Variants in FHOD3 observed in about 807,000 individuals in gnomAD.
FHOD3 encodes formin homology 2 domain containing 3, also known as FH1/FH2 domain-containing protein 3.
In FHOD3, 90 loss-of-function variants were observed where a neutral mutation model predicts 173.0. The ratio of observed to expected loss-of-function variants is 0.52; its 90% CI spans 0.44 to 0.62. The LOEUF (loss-of-function observed/expected upper bound fraction) is 0.62, where lower values mean the gene tolerates loss of function less well. Among genes scored for constraint, FHOD3 ranks in the 20% least tolerant of loss-of-function variants. FHOD3 has a pLI of 0.00. For synonymous variants in FHOD3, 828 were observed against 823.0 expected (o/e 1.01, Z -0.10); for missense variants, 1,945 against 2,034.7 (o/e 0.96, Z 0.85).
At chr18:36,747,873 G>A (rs1369980386) in intron 24 of FHOD3, among the ~76,000 whole-genome samples, 2 of 152,158 alleles carry the variant, frequency 1.3e-5, no homozygotes, top group African/African-American at 4.8e-5. Context: ...ACAGAACACG[G>A]TTGAGGGACC....
chr18:36,648,477 T>C (rs1191576546), intron 10 of FHOD3, among the ~76,000 whole-genome samples: 1 of 152,148 alleles, frequency 6.6e-6, no homozygotes, highest in Non-Finnish European at 1.5e-5. Context: ...AAAACCCAAT[T>C]GAAACCACCC....
At chr18:36,663,603 G>A (rs141249441) in intron 14 of FHOD3, among the ~76,000 whole-genome samples, 195 of 152,322 alleles carry the variant, frequency 1.3e-3, no homozygotes, top group African/African-American at 4.6e-3. Context: ...GAAGCCTTCT[G>A]TGCTTCTGTG....
intron 20 of FHOD3, among the ~76,000 whole-genome samples, chr18:36,736,889 C>A (rs578058037): frequency 1.2e-4 from 18 of 152,324 alleles, no homozygotes; most frequent in African/African-American, 4.3e-4. Flanking sequence ...TGCTTCCTAT[C>A]CCTATCAACA....
chr18:36,709,595 GC>G (rs2040061402), intron 18 of FHOD3: 3 of 583,166 alleles, frequency 5.1e-6, no homozygotes, highest in Non-Finnish European at 9.0e-6. Context: ...TAGAAAGACA[GC>G]CCCCAAACTG....
chr18:36,493,281 A>C (rs1445130404), intron 3 of FHOD3, among the ~76,000 whole-genome samples: 4 of 151,386 alleles, frequency 2.6e-5, no homozygotes, highest in African/African-American at 7.3e-5. Flanking sequence ...AAATCACAGG[A>C]AAATAAGATT....
chr18:36,608,657 C>T (rs1214505051), intron 8 of FHOD3, among the ~76,000 whole-genome samples: 1 of 152,166 alleles, frequency 6.6e-6, no homozygotes, highest in Non-Finnish European at 1.5e-5. Flanking sequence ...TACTGACACT[C>T]TGAGCTCCTA....
At chr18:36,491,881 A>G (rs374429361) in intron 3 of FHOD3, among the ~76,000 whole-genome samples, 29 of 152,210 alleles carry the variant, frequency 1.9e-4, no homozygotes, top group African/African-American at 6.7e-4. Context: ...CTTACCTTCT[A>G]TGGGTGGGGG....
intron 28 of FHOD3, among the ~76,000 whole-genome samples, chr18:36,771,648 A>G (rs985510602): frequency 6.6e-6 from 1 of 152,178 alleles, no homozygotes; most frequent in African/African-American, 2.4e-5. Flanking sequence ...GCCAATAGCT[A>G]CTTCAAGGTC....
intron 3 of FHOD3, among the ~76,000 whole-genome samples, chr18:36,373,088 C>A (rs902650679): frequency 6.6e-6 from 1 of 152,106 alleles, no homozygotes; most frequent in Non-Finnish European, 1.5e-5. Context: ...TGAGGCATGC[C>A]TGTGGGCAAG....
chr18:36,521,928 G>C (rs527824749), intron 5 of FHOD3, among the ~76,000 whole-genome samples: 17 of 152,224 alleles, frequency 1.1e-4, no homozygotes, highest in African/African-American at 3.9e-4. Flanking sequence ...ACAAGGCCTC[G>C]CTCACCCATC....
At chr18:36,594,925 A>G (rs377040903) in intron 7 of FHOD3, 27 bp downstream of exon 7, 2 of 1,477,304 alleles carry the variant, frequency 1.4e-6, no homozygotes, top group Non-Finnish European at 1.9e-6. Flanking sequence ...CCCTTATGTC[A>G]TGAAGGTGAA....
chr18:36,383,935 C>T (rs1016690128), intron 3 of FHOD3, among the ~76,000 whole-genome samples: 2 of 152,192 alleles, frequency 1.3e-5, no homozygotes, highest in African/African-American at 4.8e-5. Context: ...ACTTACTGTG[C>T]TCCAGGTATC....
intron 12 of FHOD3, among the ~76,000 whole-genome samples, 193 bp downstream of exon 12, chr18:36,653,122 G>T (rs1284603691): frequency 6.6e-6 from 1 of 152,230 alleles, no homozygotes; most frequent in African/African-American, 2.4e-5. Flanking sequence ...AAGATGCAGA[G>T]AAAATTGTCA....
At chr18:36,369,798 C>A (rs1326765681) in intron 2 of FHOD3, among the ~76,000 whole-genome samples, 2 of 152,044 alleles carry the variant, frequency 1.3e-5, no homozygotes, top group Non-Finnish European at 2.9e-5. Flanking sequence ...TGAGGTTACA[C>A]CAGTTCCCTA....
intron 1 of FHOD3, among the ~76,000 whole-genome samples, chr18:36,304,140 T>C (rs1028908593): frequency 5.3e-5 from 8 of 152,144 alleles, no homozygotes; most frequent in African/African-American, 1.9e-4. Flanking sequence ...AAATAAATAT[T>C]TGAGATCACT....
chr18:36,453,888 A>G (rs968190842), intron 3 of FHOD3, among the ~76,000 whole-genome samples: 34 of 152,206 alleles, frequency 2.2e-4, no homozygotes, highest in Non-Finnish European at 4.0e-4. Flanking sequence ...GTTTTGTGAC[A>G]TGACTCTGGA....
chr18:36,397,268 T>A (rs2048597600), intron 3 of FHOD3, among the ~76,000 whole-genome samples: 1 of 152,242 alleles, frequency 6.6e-6, no homozygotes, highest in African/African-American at 2.4e-5. Flanking sequence ...CTCAGGTCTG[T>A]CAGATGTCTC....
chr18:36,325,304 G>A (rs984826722), intron 1 of FHOD3, among the ~76,000 whole-genome samples: 8 of 152,064 alleles, frequency 5.3e-5, no homozygotes, highest in Admixed American at 6.5e-5. Context: ...CTTTCTACAC[G>A]TGTTATACTT....
chr18:36,425,385 C>T (rs990950165), intron 3 of FHOD3, among the ~76,000 whole-genome samples: 5 of 152,072 alleles, frequency 3.3e-5, no homozygotes, highest in East Asian at 1.9e-4. Context: ...GAATGGCTAA[C>T]GTAGCTTATC....
Sources: gnomAD v4.1 joint callset for allele counts (sites outside exome capture counted in the v4.1 genomes callset) on GRCh38, gnomAD v4.1.1 for gene constraint, MANE v1.5 for transcripts, NCBI Gene and HGNC (gene_info 2026-07-23, HGNC 2026-07-21) for gene names.